Variants in DTNA observed in about 807,000 individuals in gnomAD.
DTNA encodes the protein dystrobrevin alpha.
In DTNA, 43 loss-of-function variants were observed where a neutral mutation model predicts 100.7. The observed-to-expected ratio is 0.43, with a 90% confidence interval of 0.33 to 0.55. DTNA has a LOEUF of 0.55. DTNA is among the 20% of genes least tolerant of loss of function. DTNA has a pLI of 0.04. For missense variants in DTNA, 798 were observed against 953.9 expected (o/e 0.84, Z 2.15); for synonymous variants, 349 against 347.9 (o/e 1.00, Z -0.04).
chr18:34,736,042 T>C (rs553699361), intron 1 of DTNA, among the ~76,000 whole-genome samples: 2 of 152,278 alleles, frequency 1.3e-5, no homozygotes, highest in African/African-American at 4.8e-5. Context: ...GTGTTCGAAA[T>C]GCATAAAATA....
At chr18:34,851,806 A>G (rs2096483314) in intron 14 of DTNA, 25 bp from the exon 15 acceptor site, 1 of 1,610,556 alleles carries the variant, frequency 6.2e-7, no homozygotes, top group Non-Finnish European at 8.5e-7. Flanking sequence ...TCAATATGAA[A>G]TCTTATAAAC....
At chr18:34,600,159 A>G (rs904063569) in intron 1 of DTNA, among the ~76,000 whole-genome samples, 12 of 152,140 alleles carry the variant, frequency 7.9e-5, no homozygotes, top group African/African-American at 2.9e-4. Context: ...TATGTAACAG[A>G]AGAGCTTAAA....
chr18:34,643,133 A>G (rs953400133), intron 1 of DTNA, among the ~76,000 whole-genome samples: 16 of 152,236 alleles, frequency 1.1e-4, no homozygotes, highest in Non-Finnish European at 1.6e-4. Context: ...TTTAGTGGGT[A>G]CAGTGACTTT....
chr18:34,552,871 A>G (rs1305015680), intron 1 of DTNA, among the ~76,000 whole-genome samples: 1 of 142,910 alleles, frequency 7.0e-6, no homozygotes, highest in African/African-American at 2.8e-5. Flanking sequence ...AGCATGATTT[A>G]TAGTCCTTTG....
At chr18:34,503,438 C>A (rs940197393) in intron 1 of DTNA, among the ~76,000 whole-genome samples, 2 of 151,768 alleles carry the variant, frequency 1.3e-5, no homozygotes, top group Non-Finnish European at 2.9e-5. Context: ...CAGGTGCCCA[C>A]CATCACACCT....
chr18:34,625,865 T>C (rs2057249832), intron 1 of DTNA, among the ~76,000 whole-genome samples: 1 of 152,198 alleles, frequency 6.6e-6, no homozygotes, highest in African/African-American at 2.4e-5. Context: ...CAGAATTGAC[T>C]ACATCCTGTT....
chr18:34,887,912 C>G lies in DTNA; in HGVS notation c.*178C>G. 1 of 986,692 alleles carries G rather than the reference C, an allele frequency of 1.0e-6. No individual in the cohort carries two copies. Among genetic ancestry groups the G allele is most frequent in the South Asian group, 4.7e-5 (1 of 21,310 alleles). The allele number at this position is 986,692 out of a possible 1,614,324, so 61.1% of individuals were successfully genotyped here. ...CCACACCCAGCAGCTCCTGACAGAC[C>G]CCCACCCCTAAAGATGTGTCCTGAT... On this transcript the variant is annotated 3_prime_UTR_variant, in exon 23 of 23. Coordinates refer to ENST00000444659, the MANE Select transcript of DTNA (RefSeq NM_001386795.1).
chr18:34,554,490 A>G (rs1279825297), intron 1 of DTNA, among the ~76,000 whole-genome samples: 3 of 150,432 alleles, frequency 2.0e-5, no homozygotes, highest in Non-Finnish European at 3.0e-5. Flanking sequence ...TTGCCCATTT[A>G]GTATGATATT....
At chr18:34,805,465 C>T (rs1025890315) in intron 4 of DTNA, among the ~76,000 whole-genome samples, 1 of 152,072 alleles carries the variant, frequency 6.6e-6, no homozygotes, top group Non-Finnish European at 1.5e-5. Flanking sequence ...GCTGGGATTA[C>T]AGACGTGCAC....
chr18:34,793,930 G>A (rs2094858726), intron 3 of DTNA, 107 bp from the exon 4 acceptor site: 4 of 1,150,158 alleles, frequency 3.5e-6, no homozygotes, highest in Non-Finnish European at 5.1e-6. Context: ...TGCAACAGCT[G>A]CACACATGTG....
intron 1 of DTNA, among the ~76,000 whole-genome samples, chr18:34,498,106 C>A (rs556456092): frequency 4.6e-5 from 7 of 152,044 alleles, no homozygotes; most frequent in African/African-American, 1.7e-4. Flanking sequence ...TATTGTGAAA[C>A]CCCGTTTCTA....
intron 1 of DTNA, among the ~76,000 whole-genome samples, chr18:34,514,315 G>A (rs2145007140): frequency 6.6e-6 from 1 of 152,180 alleles, no homozygotes; most frequent in South Asian, 2.1e-4. Context: ...TGGGGGGAGT[G>A]AAAACACAGC....
chr18:34,715,350 TCTTCA>T (rs748112791), intron 1 of DTNA, among the ~76,000 whole-genome samples: 143 of 152,294 alleles, frequency 9.4e-4, no homozygotes, highest in Non-Finnish European at 9.3e-4. Flanking sequence ...AATTAACTGG[TCTTCA>T]CTTCATGGTA....
chr18:34,520,867 GT>G (rs760218991), intron 1 of DTNA, among the ~76,000 whole-genome samples: 4 of 152,028 alleles, frequency 2.6e-5, no homozygotes, highest in Non-Finnish European at 5.9e-5. Flanking sequence ...GCTGATAGAT[GT>G]TTTAAACAAT....
intron 1 of DTNA, among the ~76,000 whole-genome samples, chr18:34,740,246 C>T (rs2090380464): frequency 6.6e-6 from 1 of 152,136 alleles, no homozygotes; most frequent in African/African-American, 2.4e-5. Flanking sequence ...CTATTAAGTG[C>T]ATCATTGCTC....
chr18:34,535,330 A>G (rs1260189331), intron 1 of DTNA, among the ~76,000 whole-genome samples: 6 of 151,680 alleles, frequency 4.0e-5, no homozygotes, highest in African/African-American at 1.5e-4. Flanking sequence ...CCACTTTTTG[A>G]TGGGATTGTT....
rs182541317 is a variant in DTNA, at chr18:34,533,545, C to T, written c.-2+40031C>T. ...ACTAGAGGCAACCATATGGCAAAAACGACATTTTAGTATGCCTCCGTAGAT... is the reference window on the plus strand; with the variant it reads ...ACTAGAGGCAACCATATGGCAAAAATGACATTTTAGTATGCCTCCGTAGAT... On this transcript the variant is annotated intron_variant, in intron 1 of 19. Transcript: ENST00000283365. Among the ~76,000 whole-genome samples, 600 of 152,100 alleles carry T rather than the reference C, an allele frequency of 3.9e-3. 12 individuals carry two copies. Among genetic ancestry groups the T allele is most frequent in the Non-Finnish European group, 1.2e-3 (83 of 67,978 alleles).
intron 3 of DTNA, among the ~76,000 whole-genome samples, chr18:34,777,004 G>A (rs2094092658): frequency 6.6e-6 from 1 of 152,162 alleles, no homozygotes; most frequent in Non-Finnish European, 1.5e-5. Flanking sequence ...TCAATTCTTT[G>A]CTCACTTGTC....
Position 34,715,524 on chromosome 18 carries a change from G to A in DTNA, c.-2+5079G>A, listed in dbSNP as rs937999880. ...AAACAATATTTTATATCTGAAACCT[G>A]TTAATTTTGATTTGTTTGGTGGAAC... is the stretch of plus-strand genomic sequence containing the variant. On this transcript the variant is annotated intron_variant, in intron 1 of 22. Coordinates refer to ENST00000444659, the MANE Select transcript of DTNA (RefSeq NM_001386795.1). 3.3e-5 allele frequency among the ~76,000 whole-genome samples: 5 copies of A among 151,924 alleles called. No homozygotes were observed. In the East Asian group the frequency reaches 9.7e-4, roughly 29 times the overall value.
Sources: gnomAD v4.1 joint callset for allele counts (sites outside exome capture counted in the v4.1 genomes callset) on GRCh38, gnomAD v4.1.1 for gene constraint, MANE v1.5 for transcripts, NCBI Gene and HGNC (gene_info 2026-07-23, HGNC 2026-07-21) for gene names.